CORIN: variants seen among roughly 807,000 people sequenced by gnomAD.
CORIN encodes atrial natriuretic peptide-converting enzyme.
CORIN carries 117 observed loss-of-function variants against 125.3 expected under a neutral mutation model. That is an observed-to-expected ratio of 0.93 (90% CI 0.80 to 1.09). CORIN has a LOEUF of 1.09. Ranked by LOEUF, CORIN falls within the 50% of genes least tolerant of loss-of-function variation. The pLI is 0.00. For missense variants in CORIN, 1,253 were observed against 1,306.7 expected (o/e 0.96, Z 0.63); for synonymous variants, 450 against 466.4 (o/e 0.96, Z 0.45).
At chr4:47,815,172 G>A (rs903818086) in intron 1 of CORIN, among the ~76,000 whole-genome samples, 1 of 151,932 alleles carries the variant, frequency 6.6e-6, no homozygotes, top group Admixed American at 6.6e-5. Context: ...ATTCTTAACC[G>A]TATCTCCGTA....
At chr4:47,648,833 C>A (rs1450484259) in intron 13 of CORIN, among the ~76,000 whole-genome samples, 2 of 152,154 alleles carry the variant, frequency 1.3e-5, no homozygotes, top group African/African-American at 2.4e-5. Context: ...CCATCCTGGA[C>A]CAGTGTCTGC....
chr4:47,772,934 ATTAT>A (rs1730117133), intron 3 of CORIN, among the ~76,000 whole-genome samples: 1 of 152,168 alleles, frequency 6.6e-6, no homozygotes, highest in South Asian at 2.1e-4. Context: ...AAAGGGAATA[ATTAT>A]TCATTTATAT....
At chr4:47,729,986 G>C (rs142537121) in intron 5 of CORIN, among the ~76,000 whole-genome samples, 1 of 151,998 alleles carries the variant, frequency 6.6e-6, no homozygotes, top group South Asian at 2.1e-4. Context: ...CATCCACCTC[G>C]CTGAGAGCCA....
intron 2 of CORIN, chr4:47,790,120 G>A (rs975065547): frequency 1.8e-6 from 1 of 561,514 alleles, no homozygotes; most frequent in South Asian, 7.8e-5. Context: ...TATGTTTATT[G>A]TGCTATGGTT....
At chr4:47,737,985 C>T (rs144732284) in intron 5 of CORIN, among the ~76,000 whole-genome samples, 21 of 147,548 alleles carry the variant, frequency 1.4e-4, no homozygotes, top group Admixed American at 2.7e-4. Context: ...GCCTTTTCCC[C>T]GGGGTGTTTC....
chr4:47,637,428 T>G (rs951817320), intron 16 of CORIN, among the ~76,000 whole-genome samples: 1 of 152,238 alleles, frequency 6.6e-6, no homozygotes, highest in Non-Finnish European at 1.5e-5. Flanking sequence ...GAGGTCTTCA[T>G]GGCAGCCCCT....
At chr4:47,758,580 C>T (rs1042990887) in intron 4 of CORIN, among the ~76,000 whole-genome samples, 4 of 152,160 alleles carry the variant, frequency 2.6e-5, no homozygotes, top group African/African-American at 9.7e-5. Flanking sequence ...AAATATACTA[C>T]AAAGCATAAT....
At chr4:47,620,124 G>A (rs1722246650) in intron 19 of CORIN, among the ~76,000 whole-genome samples, 1 of 151,972 alleles carries the variant, frequency 6.6e-6, no homozygotes, top group African/African-American at 2.4e-5. Context: ...TTGTTTAAAA[G>A]TGTGTCTCCT....
chr4:47,731,004 T>G (rs543172567), intron 5 of CORIN, among the ~76,000 whole-genome samples: 2 of 152,034 alleles, frequency 1.3e-5, no homozygotes, highest in Non-Finnish European at 2.9e-5. Context: ...CCGGTGGTTG[T>G]GGAGATAGTG....
chr4:47,634,216 T>C (rs771009251), intron 16 of CORIN, among the ~76,000 whole-genome samples: 8 of 152,156 alleles, frequency 5.3e-5, no homozygotes, highest in Admixed American at 1.3e-4. Flanking sequence ...GCAAAGGGGA[T>C]GGCAGCTTGA....
chr4:47,806,359 C>G (rs762308912), intron 2 of CORIN, among the ~76,000 whole-genome samples: 1 of 152,226 alleles, frequency 6.6e-6, no homozygotes, highest in Non-Finnish European at 1.5e-5. Context: ...CAAATTTTCA[C>G]CCAGTTTTCT....
chr4:47,654,113 C>G (rs937836904), intron 12 of CORIN, among the ~76,000 whole-genome samples: 6 of 152,206 alleles, frequency 3.9e-5, no homozygotes, highest in Admixed American at 1.3e-4. Flanking sequence ...GTTTGATGTT[C>G]ACCTTTGCCT....
At position 47,653,604 on chromosome 4, in the gene CORIN, T is replaced by A. The variant is rs772796112; in HGVS notation, c.1792A>T (p.Arg598Ter). The part of the protein sequence containing the change: ...RSGQCVLASR[R>*]CDGQADCDDD... The stretch of plus-strand genomic sequence containing the variant: ...TCACAGTCGGCCTGGCCATCACATC[T>A]TCTGGAAGCCAGAACACACTGTCCT... The change falls in exon 13 of 22, where the codon AGA becomes TGA. Residue 598 changes from arginine to a stop codon, truncating the protein, a stop_gained. Coordinates refer to ENST00000273857, the MANE Select transcript of CORIN (RefSeq NM_006587.4). LOFTEE classifies it high-confidence loss of function. 3.1e-6 allele frequency: 5 copies of A among 1,614,112 alleles called. No individual in the cohort carries two copies. Among genetic ancestry groups the A allele is most frequent in the Non-Finnish European group, 4.2e-6 (5 of 1,179,978 alleles).
chr4:47,787,245 T>C (rs1477698992), intron 2 of CORIN, among the ~76,000 whole-genome samples: 2 of 152,196 alleles, frequency 1.3e-5, no homozygotes, highest in African/African-American at 4.8e-5. Flanking sequence ...CTACCTCACC[T>C]GAGACTCACC....
At chr4:47,662,571 T>C (rs991478777) in intron 11 of CORIN, among the ~76,000 whole-genome samples, 2 of 152,044 alleles carry the variant, frequency 1.3e-5, no homozygotes, top group African/African-American at 4.8e-5. Flanking sequence ...TTACTTCTTA[T>C]GGAAAAAAAT....
chr4:47,719,954 C>T (rs1727273059), intron 5 of CORIN, among the ~76,000 whole-genome samples: 1 of 152,124 alleles, frequency 6.6e-6, no homozygotes, highest in South Asian at 2.1e-4. Flanking sequence ...CCTCACTTTT[C>T]ATTTAAAACG....
At chr4:47,615,592 CAAG>C (rs1300433640) in intron 19 of CORIN, among the ~76,000 whole-genome samples, 2 of 152,192 alleles carry the variant, frequency 1.3e-5, no homozygotes, top group African/African-American at 4.8e-5. Context: ...GGCAGGCACA[CAAG>C]GAGAACACTG....
intron 3 of CORIN, among the ~76,000 whole-genome samples, chr4:47,785,562 C>CATGTA (rs1730755460): frequency 6.6e-6 from 1 of 151,814 alleles, no homozygotes; most frequent in East Asian, 1.9e-4. Flanking sequence ...AATTTTACAG[C>CATGTA]CAATAATAGC....
At chr4:47,782,103 G>C (rs1730578791) in intron 3 of CORIN, among the ~76,000 whole-genome samples, 1 of 151,864 alleles carries the variant, frequency 6.6e-6, no homozygotes, top group Non-Finnish European at 1.5e-5. Context: ...ACTGAAAGAA[G>C]GCCAGGCGCA....
Sources: gnomAD v4.1 joint callset for allele counts (sites outside exome capture counted in the v4.1 genomes callset) on GRCh38, gnomAD v4.1.1 for gene constraint, MANE v1.5 for transcripts, NCBI Gene and HGNC (gene_info 2026-07-23, HGNC 2026-07-21) for gene names.